The following DLGAP4 variants were observed in gnomAD, a reference collection of about 807,000 sequenced individuals.
DLGAP4 encodes DLG associated protein 4.
A neutral mutation model predicts 86.9 loss-of-function variants in DLGAP4; 18 were observed. That is an observed-to-expected ratio of 0.21 (90% CI 0.14 to 0.31). The LOEUF (loss-of-function observed/expected upper bound fraction) is 0.31, where lower values mean the gene tolerates loss of function less well. DLGAP4 is among the 10% of genes least tolerant of loss of function. The pLI is 1.00. For missense variants in DLGAP4, 1,085 were observed against 1,362.6 expected (o/e 0.80, Z 3.21); for synonymous variants, 548 against 574.3 (o/e 0.95, Z 0.65).
intron 7 of DLGAP4, among the ~76,000 whole-genome samples, chr20:36,471,399 C>A (rs1443220492): frequency 1.3e-5 from 2 of 152,128 alleles, no homozygotes; most frequent in Admixed American, 6.6e-5. Flanking sequence ...GAGGCTGAGG[C>A]AGAAGAATCA....
intron 3 of DLGAP4, among the ~76,000 whole-genome samples, chr20:36,434,792 G>A (rs2033224810): frequency 6.6e-6 from 1 of 152,166 alleles, no homozygotes; most frequent in African/African-American, 2.4e-5. Flanking sequence ...CTGACACAGA[G>A]GGCATGGAGA....
chr20:36,356,361 G>T (rs1385321931), intron 1 of DLGAP4, among the ~76,000 whole-genome samples: 1 of 152,210 alleles, frequency 6.6e-6, no homozygotes, highest in Admixed American at 6.5e-5. Context: ...ACCCAGGCTG[G>T]AGTGCAATGG....
At chr20:36,458,653 T>G (rs1323213273) in intron 7 of DLGAP4, among the ~76,000 whole-genome samples, 1 of 151,706 alleles carries the variant, frequency 6.6e-6, no homozygotes, top group Non-Finnish European at 1.5e-5. Flanking sequence ...GAGCCGAGAT[T>G]GCGCCACTGC....
chr20:36,312,445 G>A (rs1260906033), intron 1 of DLGAP4, among the ~76,000 whole-genome samples: 1 of 152,256 alleles, frequency 6.6e-6, no homozygotes, highest in East Asian at 1.9e-4. Flanking sequence ...GCTCCTCTTA[G>A]GTGAGAGAAG....
chr20:36,337,597 A>C lies in DLGAP4; in HGVS notation c.-303-29448A>C, dbSNP rs113486874. On this transcript the variant is annotated intron_variant, in intron 1 of 12. Coordinates refer to ENST00000339266, the MANE Select transcript of DLGAP4 (RefSeq NM_001365621.2). ...GAGGCAGGGACACTGGCTGCTCCTCATGGGGTCTCCTGACTCTGGGATCCT... is the reference window on the plus strand; with the variant it reads ...GAGGCAGGGACACTGGCTGCTCCTCCTGGGGTCTCCTGACTCTGGGATCCT... 9.2e-3 allele frequency among the ~76,000 whole-genome samples: 1,406 copies of C among 152,158 alleles called. 27 individuals are homozygous for C. Among genetic ancestry groups the C allele is most frequent in the African/African-American group, 0.03 (1,229 of 41,508 alleles).
intron 10 of DLGAP4, among the ~76,000 whole-genome samples, chr20:36,511,394 G>T (rs960796028): frequency 1.3e-5 from 2 of 151,826 alleles, no homozygotes; most frequent in Middle Eastern, 3.2e-3. Flanking sequence ...TGTAGAGATG[G>T]GGTCTCACTA....
chr20:36,321,131 C>T (rs1208237960), intron 1 of DLGAP4, among the ~76,000 whole-genome samples: 2 of 152,102 alleles, frequency 1.3e-5, no homozygotes, highest in Admixed American at 6.5e-5. Context: ...GGCAAGGGCA[C>T]CCATGCTGGG....
intron 2 of DLGAP4, among the ~76,000 whole-genome samples, chr20:36,395,560 G>A (rs907369112): frequency 9.9e-5 from 15 of 151,994 alleles, no homozygotes; most frequent in East Asian, 5.8e-4. Flanking sequence ...GTGCAGTGGC[G>A]CAATCTTGGC....
At chr20:36,324,562 G>A (rs1412483625) in intron 1 of DLGAP4, among the ~76,000 whole-genome samples, 2 of 152,098 alleles carry the variant, frequency 1.3e-5, no homozygotes, top group Non-Finnish European at 2.9e-5. Flanking sequence ...AGTTGTGCTG[G>A]CACCATTTGT....
chr20:36,443,283 C>T (rs1429302227), intron 6 of DLGAP4, among the ~76,000 whole-genome samples: 2 of 152,178 alleles, frequency 1.3e-5, no homozygotes, highest in African/African-American at 2.4e-5. Context: ...TTGTGCTGCT[C>T]ATGGCACTGT....
chr20:36,398,290 C>A (rs1384655326), intron 2 of DLGAP4, among the ~76,000 whole-genome samples: 1 of 152,102 alleles, frequency 6.6e-6, no homozygotes, highest in African/African-American at 2.4e-5. Flanking sequence ...CAGGGAAGGC[C>A]TTCTGGAGGA....
chr20:36,495,123 C>A (rs140241644), intron 7 of DLGAP4, among the ~76,000 whole-genome samples: 2 of 151,320 alleles, frequency 1.3e-5, no homozygotes, highest in African/African-American at 4.9e-5. Context: ...CTCCTGATAG[C>A]TAGGATTACA....
chr20:36,417,664 A>G (rs577087068), intron 2 of DLGAP4, among the ~76,000 whole-genome samples: 126 of 146,896 alleles, frequency 8.6e-4, no homozygotes, highest in Non-Finnish European at 1.6e-3. Context: ...GATTATAAGC[A>G]TGAGTCTCCG....
At chr20:36,337,342 G>A (rs377339729) in intron 1 of DLGAP4, among the ~76,000 whole-genome samples, 1 of 151,382 alleles carries the variant, frequency 6.6e-6, no homozygotes, top group South Asian at 2.1e-4. Context: ...GGGATGGGAG[G>A]GAAGTGGTGG....
At chr20:36,344,311 G>T (rs1432123414) in intron 1 of DLGAP4, among the ~76,000 whole-genome samples, 2 of 152,162 alleles carry the variant, frequency 1.3e-5, no homozygotes, top group African/African-American at 4.8e-5. Flanking sequence ...CCCGACTGCT[G>T]GGAGTAGAAG....
rs1253210305 is a variant in DLGAP4, at chr20:36,446,847, G to A, written c.1558G>A (p.Gly520Ser). The change falls in exon 7 of 13, where the codon GGC (glycine) becomes AGC (serine). Residue 520 changes from glycine to serine, a missense_variant. Around this residue, in one of 2 missense-constraint regions of DLGAP4, gnomAD observed 1,082 missense variants for 1,344.1 expected, o/e 0.81. Transcript: ENST00000339266. ...CAGCTACCTGCGTGCCATCCAGGCA[G>A]GCTGCTCGCAGGAGGAGGACAGTGT... ...SHSYLRAIQA[G>S]CSQEEDSVSL... The A allele has an allele frequency of 1.9e-6, 3 of 1,613,164 alleles. No homozygotes were observed. Among genetic ancestry groups the A allele is most frequent in the Non-Finnish European group, 2.5e-6 (3 of 1,179,894 alleles).
chr20:36,315,398 G>C (rs1373827638), intron 1 of DLGAP4, among the ~76,000 whole-genome samples: 12 of 151,448 alleles, frequency 7.9e-5, no homozygotes, highest in African/African-American at 9.7e-5. Context: ...CCTGGAGAGA[G>C]CAGCCAGGAG....
chr20:36,521,889 C>T (rs921799628), intron 10 of DLGAP4, among the ~76,000 whole-genome samples: 4 of 152,202 alleles, frequency 2.6e-5, no homozygotes, highest in Non-Finnish European at 5.9e-5. Context: ...ACTCCTGTGT[C>T]AGTTCCCTTT....
chr20:36,415,042 G>T (rs6514068), intron 2 of DLGAP4, among the ~76,000 whole-genome samples: 13 of 152,158 alleles, frequency 8.5e-5, no homozygotes, highest in Admixed American at 7.2e-4. Context: ...AAGGCAGGTG[G>T]ATCACCTGAG....
Sources: gnomAD v4.1 joint callset for allele counts (sites outside exome capture counted in the v4.1 genomes callset) on GRCh38, gnomAD v4.1.1 for gene constraint, gnomAD v4.1.1 regional missense constraint, MANE v1.5 for transcripts, NCBI Gene and HGNC (gene_info 2026-07-23, HGNC 2026-07-21) for gene names.